FSTL4: variants seen among roughly 807,000 people sequenced by gnomAD.
FSTL4 encodes the protein follistatin-related protein 4.
FSTL4 carries 28 observed loss-of-function variants against 78.2 expected under a neutral mutation model. The ratio of observed to expected loss-of-function variants is 0.36; its 90% CI spans 0.27 to 0.49. The LOEUF is 0.49. Ranked by LOEUF, FSTL4 falls within the 20% of genes least tolerant of loss-of-function variation. The pLI is 0.98. For missense variants in FSTL4, 922 were observed against 1,084.9 expected, an observed-to-expected ratio of 0.85 and a Z score of 2.11; for synonymous variants, 422 against 440.5, an observed-to-expected ratio of 0.96 and a Z score of 0.53.
chr5:133,482,951 A>G (rs1432828539), intron 3 of FSTL4, among the ~76,000 whole-genome samples: 3 of 152,168 alleles, frequency 2.0e-5, no homozygotes, highest in African/African-American at 2.4e-5. Context: ...AAAGCCACCT[A>G]TGGAGAATGA....
At chr5:133,675,178 T>C in the FSTL4 span, among the ~76,000 whole-genome samples, 1 of 152,056 alleles carries the variant, frequency 6.6e-6, no homozygotes, top group Non-Finnish European at 1.5e-5. Context: ...AAGAAGGCTC[T>C]TTCCATTCAT....
Position 133,225,676 on chromosome 5 carries a change from T to C in FSTL4, c.1159A>G (p.Lys387Glu). The C allele has an allele frequency of 6.2e-7, 1 of 1,602,698 alleles. No homozygotes were observed. Among genetic ancestry groups the C allele is most frequent in the Admixed American group, 1.7e-5 (1 of 58,200 alleles). ...TTCTTACCTAAAAGGGAGAGCTGTT[T>C]GGACATCTGAGTTGAGACATCCACG... The part of the protein sequence containing the change: ...NGVDVSTQMS[K>E]QLSLLANGSE... The change falls in exon 9 of 16, where the codon AAA becomes GAA. Residue 387 changes from lysine to glutamate, a missense_variant. Coordinates refer to ENST00000265342, the MANE Select transcript of FSTL4 (RefSeq NM_015082.2). The surrounding 1 kb of genome is among the most constrained non-coding windows in gnomAD (Gnocchi z 4.6).
chr5:133,470,967 A>G (rs1757815818), intron 3 of FSTL4, among the ~76,000 whole-genome samples: 1 of 152,062 alleles, frequency 6.6e-6, no homozygotes, highest in Non-Finnish European at 1.5e-5. Flanking sequence ...ACATGCAATT[A>G]AGATTTTTAG....
the FSTL4 span, among the ~76,000 whole-genome samples, chr5:133,732,299 C>T: frequency 4.6e-5 from 7 of 152,230 alleles, no homozygotes; most frequent in South Asian, 1.5e-3. Context: ...GCACTGTGGG[C>T]CCCGAGGAAG....
intron 1 of FSTL4, among the ~76,000 whole-genome samples, chr5:133,607,463 C>A (rs183384070): frequency 1.9e-4 from 29 of 152,224 alleles, no homozygotes; most frequent in Admixed American, 1.8e-3. Context: ...ATGATGGGGG[C>A]AATGATTATC....
chr5:133,663,290 A>C, the FSTL4 span, among the ~76,000 whole-genome samples: 1 of 152,254 alleles, frequency 6.6e-6, no homozygotes, highest in African/African-American at 2.4e-5. Context: ...CGCACAGTTT[A>C]GACACTGGTT....
intron 3 of FSTL4, among the ~76,000 whole-genome samples, chr5:133,449,796 G>T (rs1561721587): frequency 6.6e-6 from 1 of 152,092 alleles, no homozygotes; most frequent in Non-Finnish European, 1.5e-5. Flanking sequence ...TTTCCCTGCG[G>T]GTCTTTTAAG....
At chr5:133,377,043 C>T (rs1159600238) in intron 4 of FSTL4, among the ~76,000 whole-genome samples, 1 of 152,144 alleles carries the variant, frequency 6.6e-6, no homozygotes, top group Non-Finnish European at 1.5e-5. Flanking sequence ...GTTCCCTCTT[C>T]CCCAGCTTCC....
chr5:133,812,699 C>A, the FSTL4 span, among the ~76,000 whole-genome samples: 4 of 152,222 alleles, frequency 2.6e-5, no homozygotes, highest in Non-Finnish European at 5.9e-5. Context: ...GCTATCACTG[C>A]CTAAAGGCAT....
intron 2 of FSTL4, among the ~76,000 whole-genome samples, chr5:133,593,126 T>C (rs1355800192): frequency 1.3e-5 from 2 of 151,950 alleles, no homozygotes; most frequent in Non-Finnish European, 2.9e-5. Context: ...TCTCTAAGTG[T>C]CACCCACATA....
At chr5:133,424,468 GTTT>G (rs1475617133) in intron 3 of FSTL4, among the ~76,000 whole-genome samples, 1 of 152,218 alleles carries the variant, frequency 6.6e-6, no homozygotes, top group Non-Finnish European at 1.5e-5. Context: ...GAAATGACAT[GTTT>G]TGTGAGCTTT....
At chr5:133,671,067 G>T in the FSTL4 span, among the ~76,000 whole-genome samples, 1 of 152,234 alleles carries the variant, frequency 6.6e-6, no homozygotes, top group South Asian at 2.1e-4. Flanking sequence ...TTGCTTTCTT[G>T]GTTTCCTGCC....
At chr5:133,770,383 A>G in the FSTL4 span, among the ~76,000 whole-genome samples, 1 of 152,020 alleles carries the variant, frequency 6.6e-6, no homozygotes. Flanking sequence ...ATCCTTGCCA[A>G]TATCTGTTGT....
Position 133,482,965 on chromosome 5 carries a change from G to A in FSTL4, c.161-81979C>T, listed in dbSNP as rs1474051596. Among the ~76,000 whole-genome samples, 9 of 152,166 alleles carry A rather than the reference G, an allele frequency of 5.9e-5. No individual in the cohort carries two copies. The East Asian group carries it at 1.7e-3, about 29-fold the overall frequency. On this transcript the variant is annotated intron_variant, in intron 3 of 15. Coordinates refer to ENST00000265342, the MANE Select transcript of FSTL4 (RefSeq NM_015082.2). ...CAAAGCCACCTATGGAGAATGATAT[G>A]GTTTGGCTGTGTCCCCACCCAAATC...
intron 4 of FSTL4, among the ~76,000 whole-genome samples, chr5:133,391,611 C>T (rs1421252475): frequency 5.3e-5 from 8 of 152,236 alleles, no homozygotes; most frequent in Non-Finnish European, 8.8e-5. Flanking sequence ...ATCAGCCCTC[C>T]GACTTGCTCA....
At chr5:133,218,913 G>A (rs1008672476) in intron 12 of FSTL4, among the ~76,000 whole-genome samples, 3 of 152,202 alleles carry the variant, frequency 2.0e-5, no homozygotes, top group Non-Finnish European at 4.4e-5. Context: ...TTGGTTCACT[G>A]CTATATGATT....
rs1750266594 is a variant in FSTL4 at position 133,199,866 on chromosome 5, A to G, written c.1827-69T>C. On this transcript the variant is annotated intron_variant, in intron 15 of 15. Transcript: ENST00000265342. The surrounding 1 kb of genome is among the most constrained non-coding windows in gnomAD (Gnocchi z 4.4). ...GGGAATCTGTCATTTGTCTTAAACA[A>G]TTACATCCTCTGCCTTTTCCCTTTA... 10 of 732,144 alleles carry G rather than the reference A, an allele frequency of 1.4e-5. No individual in the cohort carries two copies. The Admixed American group carries it at 2.1e-4, about 16-fold the overall frequency. 45.4% of individuals were successfully genotyped at this position (732,144 alleles called of 1,614,324 possible).
At chr5:133,739,705 C>T in the FSTL4 span, among the ~76,000 whole-genome samples, 5 of 152,184 alleles carry the variant, frequency 3.3e-5, no homozygotes, top group South Asian at 4.1e-4. Flanking sequence ...GTGCTAAACA[C>T]GTTGCATACA....
intron 11 of FSTL4, among the ~76,000 whole-genome samples, chr5:133,222,442 T>C (rs570135864): frequency 6.6e-6 from 1 of 152,252 alleles, no homozygotes; most frequent in African/African-American, 2.4e-5. Context: ...TTCTGTACTC[T>C]TTCACCTGAC....
Sources: allele counts gnomAD v4.1 joint callset (sites outside exome capture counted in the v4.1 genomes callset), GRCh38; gene constraint gnomAD v4.1.1; non-coding constraint Gnocchi (gnomAD v3.1); transcripts MANE v1.5; gene names NCBI Gene and HGNC (gene_info 2026-07-23, HGNC 2026-07-21).